Variants in TULP4 observed in about 807,000 individuals in gnomAD.
TULP4 encodes TUB like protein 4.
TULP4 carries 16 observed loss-of-function variants against 129.0 expected under a neutral mutation model. That is an observed-to-expected ratio of 0.12 (90% CI 0.08 to 0.19). TULP4 has a LOEUF of 0.19. Ranked by LOEUF, TULP4 falls within the 10% of genes least tolerant of loss-of-function variation. The pLI, the probability that TULP4 is intolerant of heterozygous loss-of-function variation, is 1.00. For missense variants in TULP4, 1,842 were observed against 2,059.1 expected (o/e 0.89, Z 2.04); for synonymous variants, 998 against 854.0 (o/e 1.17, Z -2.94).
chr6:158,290,044 C>T (rs530782673), intron 1 of TULP4, among the ~76,000 whole-genome samples: 4 of 152,050 alleles, frequency 2.6e-5, no homozygotes, highest in Non-Finnish European at 5.9e-5. Flanking sequence ...TTAAGCCATC[C>T]TCCCACCTCA....
chr6:158,234,884 T>C lies in TULP4; in HGVS notation n.68+2581T>C, dbSNP rs566359200. On this transcript the variant is annotated intron_variant and non_coding_transcript_variant, in intron 1 of 1. Transcript: ENST00000620026. ...GTACATACCATAAAATTTATCATCCTGGCTGGGTGTGGTGGCTCCCGCCTA... is the reference window on the plus strand; with the variant it reads ...GTACATACCATAAAATTTATCATCCCGGCTGGGTGTGGTGGCTCCCGCCTA... 1.2e-4 allele frequency among the ~76,000 whole-genome samples: 18 copies of C among 152,332 alleles called. No individual in the cohort carries two copies. The East Asian group carries it at 1.9e-3, about 16-fold the overall frequency.
chr6:158,439,713 T>C (rs1222076686), intron 3 of TULP4, among the ~76,000 whole-genome samples: 3 of 122,514 alleles, frequency 2.4e-5, no homozygotes, highest in African/African-American at 6.3e-5. Flanking sequence ...TTTTTTTTTT[T>C]TTTTTTTTTT....
intron 5 of TULP4, among the ~76,000 whole-genome samples, chr6:158,460,898 G>T: frequency 6.7e-6 from 1 of 149,130 alleles, no homozygotes. Context: ...AGGTTTTATT[G>T]TCTTGCTGTC....
chr6:158,342,072 C>T (rs544561264), intron 1 of TULP4, among the ~76,000 whole-genome samples: 4 of 152,340 alleles, frequency 2.6e-5, no homozygotes, highest in African/African-American at 4.8e-5. Context: ...GGATGTGCCA[C>T]CACACCTACT....
intron 1 of TULP4, among the ~76,000 whole-genome samples, chr6:158,317,311 C>G: frequency 6.7e-6 from 1 of 149,490 alleles, no homozygotes. Context: ...TGCTATTCCT[C>G]CCCCTGCCCC....
intron 3 of TULP4, among the ~76,000 whole-genome samples, chr6:158,435,459 C>T (rs1778730195): frequency 6.6e-6 from 1 of 152,278 alleles, no homozygotes; most frequent in Non-Finnish European, 1.5e-5. Context: ...TTCTGCAGTG[C>T]CTCTCCCAGC....
intron 6 of TULP4, among the ~76,000 whole-genome samples, chr6:158,467,158 G>A (rs1006191914): frequency 1.3e-5 from 2 of 152,058 alleles, no homozygotes; most frequent in Non-Finnish European, 2.9e-5. Flanking sequence ...CTGAATCCCA[G>A]TGGGTATTTT....
chr6:158,502,646 A>G lies in TULP4; in HGVS notation c.2983A>G (p.Thr995Ala), dbSNP rs753304401. The change falls in exon 13 of 14, where the codon ACG becomes GCG. Residue 995 changes from threonine to alanine, a missense_variant. Around this residue, in one of 5 missense-constraint regions of TULP4, gnomAD observed 1,089 missense variants for 987.1 expected, o/e 1.10. Transcript: ENST00000367097. ...ATLRRNNREA[T>A]LKMAQLADSP... ...CCTGCGGAGGAACAACCGTGAGGCT[A>G]CGCTCAAGATGGCCCAGCTGGCCGA... The G allele has an allele frequency of 3.2e-6, 5 of 1,581,432 alleles. No individual in the cohort carries two copies. The African/African-American group carries it at 5.4e-5, about 17-fold the overall frequency.
rs1312445035 is a variant in TULP4, at chr6:158,348,224, A to C, written c.252+33956A>C. Reference sequence around the variant, plus strand: ...GATCATTCTTGGGTGTTTCTCGGAGAGGGGGATGTGGCAGGGTCATAGGAT... The same window carrying C: ...GATCATTCTTGGGTGTTTCTCGGAGCGGGGGATGTGGCAGGGTCATAGGAT... On this transcript the variant is annotated intron_variant, in intron 1 of 13. Transcript: ENST00000367097. Among the ~76,000 whole-genome samples the C allele has an allele frequency of 2.5e-5, 3 of 120,182 alleles. No individual in the cohort carries two copies. The East Asian group carries it at 7.1e-4, about 28-fold the overall frequency. The allele number at this position is 120,182 out of a possible 152,430, so 78.8% of individuals were successfully genotyped here.
Position 158,505,106 on chromosome 6 carries a change from G to A in TULP4, c.4515+928G>A, listed in dbSNP as rs565753631. 1.6e-4 allele frequency among the ~76,000 whole-genome samples: 24 copies of A among 152,294 alleles called. No individual in the cohort carries two copies. The South Asian group carries it at 5.0e-3, about 32-fold the overall frequency. On this transcript the variant is annotated intron_variant, in intron 13 of 13. Coordinates refer to ENST00000367097, the MANE Select transcript of TULP4 (RefSeq NM_020245.5). ...TTTGCCTATTTCTCTGTATATGGAA[G>A]TCATTCCCCAGTTCTCGAACCGGAT...
At chr6:158,393,586 C>T (rs1777638144) in intron 1 of TULP4, among the ~76,000 whole-genome samples, 2 of 152,212 alleles carry the variant, frequency 1.3e-5, no homozygotes. Flanking sequence ...CACCCATAGG[C>T]CCAACATCAT....
Position 158,502,762 on chromosome 6 carries a change from C to G in TULP4, c.3099C>G (p.Ala1033=). The change falls in exon 13 of 14, where the codon GCC becomes GCG. Residue 1033 remains alanine, a synonymous_variant. Coordinates refer to ENST00000367097, the MANE Select transcript of TULP4 (RefSeq NM_020245.5). ...VTQLPARPPP[A]LYTCSQCSGT... ...AGCTCCCAGCGCGGCCCCCACCTGC[C>G]CTGTACACCTGCAGTCAGTGCAGTG... 6.2e-7 allele frequency: 1 copy of G among 1,602,446 alleles called. No individual in the cohort carries two copies. The highest frequency in any genetic ancestry group is 8.5e-7 in the Non-Finnish European group (1 of 1,177,508).
chr6:158,354,477 T>C (rs772669260), intron 1 of TULP4, among the ~76,000 whole-genome samples: 2 of 152,210 alleles, frequency 1.3e-5, no homozygotes, highest in Non-Finnish European at 2.9e-5. Flanking sequence ...ATCTGTCTTC[T>C]TGTAGATGTG....
chr6:158,399,160 T>C (rs1777788016), intron 1 of TULP4, among the ~76,000 whole-genome samples: 1 of 152,188 alleles, frequency 6.6e-6, no homozygotes, highest in South Asian at 2.1e-4. Context: ...TTTGAAGTAA[T>C]AGAAAAAAGG....
intron 3 of TULP4, among the ~76,000 whole-genome samples, chr6:158,442,959 A>G (rs759172529): frequency 9.9e-5 from 15 of 151,478 alleles, no homozygotes; most frequent in Non-Finnish European, 1.9e-4. Flanking sequence ...TTGGGATTAC[A>G]GGCATCCACC....
intron 1 of TULP4, among the ~76,000 whole-genome samples, chr6:158,273,316 A>C (rs1583694332): frequency 6.7e-6 from 1 of 150,266 alleles, no homozygotes; most frequent in African/African-American, 2.5e-5. Flanking sequence ...CTTCCTTCTC[A>C]CCCTCCTCTG....
intron 1 of TULP4, among the ~76,000 whole-genome samples, chr6:158,402,724 T>C (rs1777882283): frequency 6.6e-6 from 1 of 152,230 alleles, no homozygotes; most frequent in South Asian, 2.1e-4. Flanking sequence ...AGCTGTTAGC[T>C]TTCAAGCCTT....
At chr6:158,332,322 G>A (rs907012389) in intron 1 of TULP4, among the ~76,000 whole-genome samples, 1 of 151,562 alleles carries the variant, frequency 6.6e-6, no homozygotes, top group African/African-American at 2.4e-5. Flanking sequence ...AGCTGGGAAG[G>A]GGTTCAGATC....
intron 1 of TULP4, among the ~76,000 whole-genome samples, chr6:158,384,605 C>G (rs2114925210): frequency 6.6e-6 from 1 of 152,128 alleles, no homozygotes; most frequent in African/African-American, 2.4e-5. Context: ...ATTTTTGTAT[C>G]TTTTTATTAG....
Sources: allele counts gnomAD v4.1 joint callset (sites outside exome capture counted in the v4.1 genomes callset), GRCh38; gene constraint gnomAD v4.1.1; regional missense constraint gnomAD v4.1.1; transcripts MANE v1.5; gene names NCBI Gene and HGNC (gene_info 2026-07-23, HGNC 2026-07-21).